The following SLC39A11 variants were observed in gnomAD, a reference collection of about 807,000 sequenced individuals.
SLC39A11 encodes solute carrier family 39 member 11, also known as zinc transporter ZIP11.
Under a neutral mutation model 36.1 loss-of-function variants are expected in SLC39A11, and 33 were observed. The observed-to-expected ratio is 0.91, with a 90% CI of 0.69 to 1.22. The LOEUF (loss-of-function observed/expected upper bound fraction) is 1.22. Among genes scored for constraint, SLC39A11 ranks in the 50% most tolerant of loss-of-function variants. The pLI, the probability that SLC39A11 is intolerant of heterozygous loss-of-function variation, is 0.00. For synonymous variants in SLC39A11, 166 were observed against 170.3 expected (o/e 0.97, Z 0.20); for missense variants, 432 against 430.3 (o/e 1.00, Z -0.03).
At chr17:72,664,804 C>T (rs890199132) in intron 7 of SLC39A11, among the ~76,000 whole-genome samples, 2 of 152,198 alleles carry the variant, frequency 1.3e-5, no homozygotes, top group African/African-American at 4.8e-5. Flanking sequence ...TATCTTCTCT[C>T]CATTCTCTCT....
chr17:72,802,327 T>C (rs2077114081), intron 6 of SLC39A11, among the ~76,000 whole-genome samples: 1 of 152,120 alleles, frequency 6.6e-6, no homozygotes, highest in Non-Finnish European at 1.5e-5. Context: ...CGGTAGTACA[T>C]GCCTGTAATC....
intron 4 of SLC39A11, among the ~76,000 whole-genome samples, chr17:73,023,771 G>A (rs1568141492): frequency 6.6e-6 from 1 of 152,206 alleles, no homozygotes; most frequent in Admixed American, 6.5e-5. Flanking sequence ...TTACAGGTGT[G>A]AGCCACCACA....
rs1016412295 is a variant in SLC39A11, at chr17:73,004,225, A to G, written c.306+27331T>C. On this transcript the variant is annotated intron_variant, in intron 4 of 9. Transcript: ENST00000255559. ...AAAGAAAGAAAGAAAGAAAGAAAGA[A>G]AGAAAGAAAAGAAAGAAAGAGAAAA... is the stretch of plus-strand genomic sequence containing the variant. 1.4e-4 allele frequency among the ~76,000 whole-genome samples: 12 copies of G among 84,806 alleles called. 1 individual carries two copies. The South Asian group carries it at 3.6e-3, about 25-fold the overall frequency. 55.6% of individuals were successfully genotyped at this position (84,806 alleles called of 152,430 possible).
chr17:72,910,370 T>C (rs1370272864), intron 5 of SLC39A11, among the ~76,000 whole-genome samples: 1 of 152,208 alleles, frequency 6.6e-6, no homozygotes, highest in African/African-American at 2.4e-5. Context: ...GTGCCTGTAA[T>C]CCCAGCACTT....
intron 6 of SLC39A11, among the ~76,000 whole-genome samples, chr17:72,802,819 C>A (rs2077135464): frequency 1.3e-5 from 2 of 152,040 alleles, no homozygotes; most frequent in African/African-American, 4.8e-5. Flanking sequence ...AAGAGGCTGC[C>A]CCTATCTGTC....
At chr17:73,000,993 C>T (rs1598793101) in intron 4 of SLC39A11, among the ~76,000 whole-genome samples, 1 of 152,190 alleles carries the variant, frequency 6.6e-6, no homozygotes, top group Non-Finnish European at 1.5e-5. Flanking sequence ...ATAGTATCTG[C>T]TGCATCCAGT....
intron 5 of SLC39A11, among the ~76,000 whole-genome samples, chr17:72,900,121 GAAAA>G (rs1360450066): frequency 8.4e-6 from 1 of 118,798 alleles, no homozygotes; most frequent in South Asian, 2.6e-4. Context: ...AAGAAAGAAA[GAAAA>G]GAAAGAAAGA....
At chr17:72,894,909 G>A (rs546696889) in intron 5 of SLC39A11, among the ~76,000 whole-genome samples, 15 of 152,080 alleles carry the variant, frequency 9.9e-5, no homozygotes, top group South Asian at 2.1e-4. Context: ...CTGGGAGACC[G>A]TCTTTCTATG....
chr17:72,746,693 A>G (rs2567465), intron 6 of SLC39A11, among the ~76,000 whole-genome samples: 128,591 of 151,918 alleles, frequency 0.85, 55,428 homozygotes, highest in African/African-American at 0.96. Flanking sequence ...AGCTGAGATC[A>G]CACCACTGCA....
intron 3 of SLC39A11, among the ~76,000 whole-genome samples, chr17:73,061,038 T>C (rs2059824717): frequency 6.6e-6 from 1 of 152,246 alleles, no homozygotes; most frequent in Non-Finnish European, 1.5e-5. Flanking sequence ...TTGTGATTAC[T>C]TTAAGATCGT....
intron 4 of SLC39A11, among the ~76,000 whole-genome samples, chr17:72,966,532 T>C (rs1471450574): frequency 6.6e-6 from 1 of 151,584 alleles, no homozygotes; most frequent in East Asian, 1.9e-4. Flanking sequence ...CAGCAGGGGG[T>C]TGAGGAAAGG....
chr17:72,774,287 C>G (rs1449285277), intron 6 of SLC39A11, among the ~76,000 whole-genome samples: 1 of 152,194 alleles, frequency 6.6e-6, no homozygotes, highest in African/African-American at 2.4e-5. Flanking sequence ...GACCACCAAA[C>G]TCTCTATCTT....
intron 7 of SLC39A11, among the ~76,000 whole-genome samples, chr17:72,690,771 C>A (rs1225128325): frequency 6.6e-6 from 1 of 152,114 alleles, no homozygotes; most frequent in African/African-American, 2.4e-5. Flanking sequence ...GAGGCCCACT[C>A]TATAGACTCC....
intron 2 of SLC39A11, among the ~76,000 whole-genome samples, chr17:73,087,532 C>T (rs1397048547): frequency 6.6e-6 from 1 of 152,108 alleles, no homozygotes; most frequent in Non-Finnish European, 1.5e-5. Context: ...TCCAGGGCTG[C>T]GGACTGAGGG....
At chr17:73,047,990 A>AAAAAAAAAAAAAAAAAAT (rs1555693446) in intron 3 of SLC39A11, among the ~76,000 whole-genome samples, 1 of 58,702 alleles carries the variant, frequency 1.7e-5, no homozygotes, top group Non-Finnish European at 3.0e-5. Flanking sequence ...AAAAAAAAAA[A>AAAAAAAAAAAAAAAAAAT]ATATATATAT....
chr17:72,758,149 G>A (rs2075432995), intron 6 of SLC39A11, among the ~76,000 whole-genome samples: 1 of 152,154 alleles, frequency 6.6e-6, no homozygotes, highest in South Asian at 2.1e-4. Flanking sequence ...GCCTCCCAAA[G>A]TGCTGGGATT....
At chr17:73,007,325 G>T (rs2090242451) in intron 4 of SLC39A11, among the ~76,000 whole-genome samples, 1 of 152,140 alleles carries the variant, frequency 6.6e-6, no homozygotes, top group Non-Finnish European at 1.5e-5. Context: ...GGAGGCTGAG[G>T]AGGGAGAATA....
intron 6 of SLC39A11, among the ~76,000 whole-genome samples, chr17:72,844,950 G>A (rs149796126): frequency 6.3e-4 from 96 of 152,192 alleles, no homozygotes; most frequent in African/African-American, 2.2e-3. Context: ...CTGGCTCCTC[G>A]CTTTCTCTCA....
intron 4 of SLC39A11, among the ~76,000 whole-genome samples, chr17:72,988,800 C>T (rs2148267867): frequency 6.6e-6 from 1 of 152,232 alleles, no homozygotes; most frequent in Middle Eastern, 3.4e-3. Flanking sequence ...CCTCCGCCTC[C>T]CAGGTTCAAG....
Sources: allele counts gnomAD v4.1 joint callset (sites outside exome capture counted in the v4.1 genomes callset), GRCh38; gene constraint gnomAD v4.1.1; transcripts MANE v1.5; gene names NCBI Gene and HGNC (gene_info 2026-07-23, HGNC 2026-07-21).